ATAD2B: variants seen among roughly 807,000 people sequenced by gnomAD.
ATAD2B encodes the protein ATPase family AAA domain-containing protein 2B.
ATAD2B carries 40 observed loss-of-function variants against 167.6 expected under a neutral mutation model. The observed-to-expected ratio is 0.24, with a 90% CI of 0.19 to 0.31. The LOEUF (loss-of-function observed/expected upper bound fraction) is 0.31, where lower values mean the gene tolerates loss of function less well. ATAD2B is among the 10% of genes least tolerant of loss of function. ATAD2B has a pLI of 1.00. For missense variants in ATAD2B, 1,242 were observed against 1,757.2 expected (o/e 0.71, Z 5.24); for synonymous variants, 579 against 596.5 (o/e 0.97, Z 0.43).
chr2:23,823,920 C>CTTT (rs869117334), intron 15 of ATAD2B, among the ~76,000 whole-genome samples: 1 of 144,528 alleles, frequency 6.9e-6, no homozygotes, highest in Non-Finnish European at 1.5e-5. Flanking sequence ...CAATGTACAA[C>CTTT]TTTTTTTTTT....
At chr2:23,735,671 T>C in the ATAD2B span, among the ~76,000 whole-genome samples, 1 of 152,168 alleles carries the variant, frequency 6.6e-6, no homozygotes, top group Admixed American at 6.5e-5. Flanking sequence ...CAACCAGAAT[T>C]CCAGTAAGAA....
chr2:23,898,925 G>C (rs552057070), intron 1 of ATAD2B, among the ~76,000 whole-genome samples: 1 of 152,242 alleles, frequency 6.6e-6, no homozygotes, highest in African/African-American at 2.4e-5. Flanking sequence ...GAGGCGGGTG[G>C]ATCACCTGAG....
At chr2:23,822,418 G>T (rs933275904) in intron 16 of ATAD2B, among the ~76,000 whole-genome samples, 16 of 152,152 alleles carry the variant, frequency 1.1e-4, no homozygotes, top group African/African-American at 3.6e-4. Flanking sequence ...GGCGGCACAC[G>T]CCTGTAATCC....
intron 13 of ATAD2B, among the ~76,000 whole-genome samples, chr2:23,850,660 C>A (rs1381796588): frequency 6.6e-6 from 1 of 151,964 alleles, no homozygotes. Flanking sequence ...GAGGGCTCTG[C>A]AGGGCAGAAG....
chr2:23,861,140 GTTT>G (rs1015159183), intron 12 of ATAD2B, among the ~76,000 whole-genome samples: 20 of 144,450 alleles, frequency 1.4e-4, no homozygotes, highest in African/African-American at 5.1e-4. Context: ...TGTTGTTGTT[GTTT>G]TTTTCCTTTT....
intron 6 of ATAD2B, among the ~76,000 whole-genome samples, chr2:23,882,591 G>A (rs1312958997): frequency 5.3e-5 from 8 of 149,808 alleles, no homozygotes; most frequent in East Asian, 2.0e-4. Flanking sequence ...GGAGGATCAC[G>A]AGGTCAGGAG....
chr2:23,877,593 G>T (rs975685305), intron 7 of ATAD2B, among the ~76,000 whole-genome samples: 2 of 147,104 alleles, frequency 1.4e-5, no homozygotes, highest in African/African-American at 5.0e-5. Context: ...AGGGCGGGCC[G>T]GGCACTGTGG....
At chr2:23,886,773 T>C (rs1004744189) in intron 4 of ATAD2B, among the ~76,000 whole-genome samples, 7 of 150,770 alleles carry the variant, frequency 4.6e-5, no homozygotes, top group Non-Finnish European at 8.8e-5. Flanking sequence ...CTACTAAAAA[T>C]ACAAAAAATT....
At chr2:23,872,451 A>G in intron 8 of ATAD2B, 1 of 728,552 alleles carries the variant, frequency 1.4e-6, no homozygotes, top group African/African-American at 1.7e-5. Context: ...GGCTGTTGCC[A>G]TGCACTGCAA....
intron 13 of ATAD2B, among the ~76,000 whole-genome samples, chr2:23,836,040 A>C (rs75102482): frequency 0.079 from 12,043 of 151,804 alleles, 604 homozygotes; most frequent in South Asian, 0.12. Flanking sequence ...CCTCTGCCTC[A>C]GTTTTGCTTA....
At chr2:23,833,890 G>C in intron 14 of ATAD2B, 29 bp downstream of exon 14, 1 of 1,541,576 alleles carries the variant, frequency 6.5e-7, no homozygotes, top group Non-Finnish European at 8.8e-7. Context: ...ACATATAAAT[G>C]TTAACATATT....
chr2:23,697,518 G>C, the ATAD2B span: 1 of 152,358 alleles, frequency 6.6e-6, no homozygotes, highest in African/African-American at 2.4e-5. Flanking sequence ...TCTTCCCGTG[G>C]GACATCATGT....
chr2:23,684,611 C>T, the ATAD2B span: 1 of 1,355,490 alleles, frequency 7.4e-7, no homozygotes, highest in Non-Finnish European at 9.9e-7. This position sits in a 1 kb window ranked among gnomAD's most constrained non-coding sequence, Gnocchi z 4.4. Context: ...CTCTTCCCCT[C>T]TCTTGCAGGT....
intron 22 of ATAD2B, among the ~76,000 whole-genome samples, chr2:23,782,373 C>A (rs554939584): frequency 2.0e-5 from 3 of 152,176 alleles, no homozygotes; most frequent in African/African-American, 7.2e-5. Context: ...CCCTGGAGAG[C>A]GATAACAAAA....
the ATAD2B span, among the ~76,000 whole-genome samples, chr2:23,683,412 G>C: frequency 6.6e-6 from 1 of 152,260 alleles, no homozygotes; most frequent in Admixed American, 6.5e-5. Flanking sequence ...ATGAGGCAAG[G>C]CTGTTGTGGG....
chr2:23,906,624 A>G (rs1374238659), intron 1 of ATAD2B, among the ~76,000 whole-genome samples: 1 of 152,130 alleles, frequency 6.6e-6, no homozygotes, highest in Non-Finnish European at 1.5e-5. Flanking sequence ...TTATGAGGCC[A>G]GCATCATCCT....
At chr2:23,884,050 A>G (rs1186468894) in intron 6 of ATAD2B, among the ~76,000 whole-genome samples, 1 of 152,150 alleles carries the variant, frequency 6.6e-6, no homozygotes, top group Non-Finnish European at 1.5e-5. Context: ...AGGCTGAGGC[A>G]GGAGAATCGC....
intron 1 of ATAD2B, among the ~76,000 whole-genome samples, chr2:23,922,812 C>T (rs986477608): frequency 4.6e-5 from 7 of 151,796 alleles, no homozygotes; most frequent in Non-Finnish European, 8.8e-5. Flanking sequence ...AATGAGATAT[C>T]ACCTCACACC....
At chr2:23,906,055 G>T (rs772797763) in intron 1 of ATAD2B, among the ~76,000 whole-genome samples, 2 of 152,068 alleles carry the variant, frequency 1.3e-5, no homozygotes, top group Admixed American at 6.6e-5. Context: ...GAGAAAGGTC[G>T]GCTGGGTGCG....
Sources: allele counts gnomAD v4.1 joint callset (sites outside exome capture counted in the v4.1 genomes callset), GRCh38; gene constraint gnomAD v4.1.1; non-coding constraint Gnocchi (gnomAD v3.1); transcripts MANE v1.5; gene names NCBI Gene and HGNC (gene_info 2026-07-23, HGNC 2026-07-21).